Variants in TLL1 observed in about 807,000 individuals in gnomAD.
The protein encoded by TLL1 is tolloid-like protein 1.
In TLL1, 49 loss-of-function variants were observed where a neutral mutation model predicts 128.2. The ratio of observed to expected loss-of-function variants is 0.38; its 90% CI spans 0.30 to 0.48. The LOEUF is 0.48. Ranked by LOEUF, TLL1 falls within the 20% of genes least tolerant of loss-of-function variation. The pLI is 0.96. For synonymous variants in TLL1, 454 were observed against 418.8 expected (o/e 1.08, Z -1.03); for missense variants, 1,123 against 1,242.0 (o/e 0.90, Z 1.44).
rs535688739 is a variant in TLL1, at chr4:166,000,972, G to C, written c.633-2419G>C. Among the ~76,000 whole-genome samples, 4 of 152,028 alleles carry C rather than the reference G, an allele frequency of 2.6e-5. No homozygotes were observed. In the South Asian group the frequency reaches 8.3e-4, roughly 32 times the overall value. ...CAAATTAATTCATCTAACTGGCGTA[G>C]TATGGATGAAAATTATTAGGCGACT... On this transcript the variant is annotated intron_variant, in intron 5 of 20. Coordinates refer to ENST00000061240, the MANE Select transcript of TLL1 (RefSeq NM_012464.5).
At chr4:165,947,558 T>C (rs980304403) in intron 1 of TLL1, among the ~76,000 whole-genome samples, 2 of 152,118 alleles carry the variant, frequency 1.3e-5, no homozygotes, top group Non-Finnish European at 2.9e-5. Context: ...AGATTCACTG[T>C]CAGCAAAGAA....
intron 1 of TLL1, among the ~76,000 whole-genome samples, chr4:165,948,153 C>T (rs753811868): frequency 2.6e-5 from 4 of 152,062 alleles, no homozygotes; most frequent in Non-Finnish European, 4.4e-5. Context: ...CTGCTTTGTA[C>T]CCGTCAGCTT....
At chr4:165,985,635 G>A (rs1162727364) in intron 1 of TLL1, among the ~76,000 whole-genome samples, 2 of 151,950 alleles carry the variant, frequency 1.3e-5, no homozygotes, top group Non-Finnish European at 1.5e-5. Flanking sequence ...GCTCACTGAG[G>A]AATTGGGGAC....
chr4:165,941,430 G>A (rs1363645658), intron 1 of TLL1, among the ~76,000 whole-genome samples: 1 of 152,144 alleles, frequency 6.6e-6, no homozygotes, highest in Non-Finnish European at 1.5e-5. Flanking sequence ...CATGTACCAT[G>A]AATGGATGAA....
chr4:166,010,956 C>T (rs574900172), intron 7 of TLL1, among the ~76,000 whole-genome samples: 10 of 150,818 alleles, frequency 6.6e-5, no homozygotes, highest in Admixed American at 3.3e-4. Flanking sequence ...AATATGATCT[C>T]GTATATGATG....
chr4:166,049,082 G>GT (rs1739593941), intron 12 of TLL1, among the ~76,000 whole-genome samples: 2 of 152,164 alleles, frequency 1.3e-5, no homozygotes, highest in Admixed American at 1.3e-4. Context: ...TGCTTGCCAT[G>GT]TACTGTTTCT....
At chr4:165,885,724 C>G (rs1731139062) in intron 1 of TLL1, among the ~76,000 whole-genome samples, 3 of 151,888 alleles carry the variant, frequency 2.0e-5, no homozygotes. Flanking sequence ...TGTTTTTTCA[C>G]AGGAAAAAAA....
chr4:165,892,344 T>G (rs1016116827), intron 1 of TLL1, among the ~76,000 whole-genome samples: 3 of 152,198 alleles, frequency 2.0e-5, no homozygotes, highest in Non-Finnish European at 2.9e-5. Context: ...AAGGAAATCT[T>G]ATGCTTCAAT....
At chr4:166,055,537 G>T (rs1739965371) in intron 13 of TLL1, among the ~76,000 whole-genome samples, 1 of 152,032 alleles carries the variant, frequency 6.6e-6, no homozygotes, top group Non-Finnish European at 1.5e-5. Flanking sequence ...AGGATATACA[G>T]ACAGAAAGAA....
In TLL1 at chr4:166,099,495, G is replaced by A. The variant is rs114788264; in HGVS notation, c.2875G>A (p.Ala959Thr). ...VELFDGLDST[A>T]VGLGRFCGSG... ...GCTCTTTGATGGTCTTGATTCAACAGCTGTGGGGCTTGGTCGATTCTGTGG... is the reference window on the plus strand; with the variant it reads ...GCTCTTTGATGGTCTTGATTCAACAACTGTGGGGCTTGGTCGATTCTGTGG... The change falls in exon 20 of 21, where the codon GCT (alanine) becomes ACT (threonine). Residue 959 changes from alanine to threonine, a missense_variant. Physicochemically the swap from Ala to Thr is moderately conservative, Grantham distance 58. Around this residue, in one of 3 missense-constraint regions of TLL1, gnomAD observed 634 missense variants for 672.4 expected, o/e 0.94. Coordinates refer to ENST00000061240, the MANE Select transcript of TLL1 (RefSeq NM_012464.5). 6.8e-6 allele frequency: 11 copies of A among 1,613,388 alleles called. No individual in the cohort carries two copies. In the East Asian group the frequency reaches 2.2e-4, roughly 33 times the overall value.
chr4:166,066,342 T>A (rs1425839946), intron 16 of TLL1, among the ~76,000 whole-genome samples: 1 of 151,754 alleles, frequency 6.6e-6, no homozygotes, highest in Non-Finnish European at 1.5e-5. Context: ...GTGTTTCAAA[T>A]TTAACATTTA....
At chr4:165,887,649 T>A (rs543863374) in intron 1 of TLL1, among the ~76,000 whole-genome samples, 2 of 152,224 alleles carry the variant, frequency 1.3e-5, no homozygotes, top group Non-Finnish European at 2.9e-5. Flanking sequence ...GTATATTGGT[T>A]AAATTTGGAC....
chr4:165,989,857 G>T (rs1736557474), intron 2 of TLL1, among the ~76,000 whole-genome samples: 1 of 151,708 alleles, frequency 6.6e-6, no homozygotes, highest in South Asian at 2.1e-4. Context: ...ACATCATCAG[G>T]AAGTGGCCAT....
At chr4:166,083,023 A>G (rs939468957) in intron 18 of TLL1, among the ~76,000 whole-genome samples, 5 of 152,132 alleles carry the variant, frequency 3.3e-5, no homozygotes, top group Non-Finnish European at 7.4e-5. Context: ...AACAGTTTCA[A>G]TGAAACTTGA....
intron 1 of TLL1, among the ~76,000 whole-genome samples, chr4:165,935,302 T>A (rs1277695495): frequency 6.6e-6 from 1 of 152,204 alleles, no homozygotes; most frequent in African/African-American, 2.4e-5. Flanking sequence ...AAATAAATAA[T>A]GCTTAATGCT....
chr4:166,018,755 T>C (rs1346264358), intron 8 of TLL1, among the ~76,000 whole-genome samples: 2 of 152,196 alleles, frequency 1.3e-5, no homozygotes, highest in Admixed American at 6.6e-5. Flanking sequence ...TACAATGAGA[T>C]GTCATCTCAC....
At chr4:165,895,744 G>A (rs1486704452) in intron 1 of TLL1, among the ~76,000 whole-genome samples, 2 of 151,332 alleles carry the variant, frequency 1.3e-5, no homozygotes, top group East Asian at 1.9e-4. Context: ...GAAAAAGGTG[G>A]GAGGACTTAT....
At chr4:165,939,564 C>T (rs1054392328) in intron 1 of TLL1, among the ~76,000 whole-genome samples, 5 of 151,972 alleles carry the variant, frequency 3.3e-5, no homozygotes, top group South Asian at 4.1e-4. Context: ...TTCATCTCAG[C>T]CTTCCATTAC....
chr4:165,896,507 G>A (rs1412611541), intron 1 of TLL1, among the ~76,000 whole-genome samples: 3 of 125,918 alleles, frequency 2.4e-5, no homozygotes, highest in East Asian at 2.6e-4. Flanking sequence ...TTTTCAGACC[G>A]AGTCTCACTC....
Sources: allele counts gnomAD v4.1 joint callset (sites outside exome capture counted in the v4.1 genomes callset), GRCh38; gene constraint gnomAD v4.1.1; regional missense constraint gnomAD v4.1.1; transcripts MANE v1.5; gene names NCBI Gene and HGNC (gene_info 2026-07-23, HGNC 2026-07-21).